AUH: variants seen among roughly 807,000 people sequenced by gnomAD.
AUH encodes the protein AU RNA binding methylglutaconyl-CoA hydratase, also known as methylglutaconyl-CoA hydratase, mitochondrial.
In AUH, 29 loss-of-function variants were observed where a neutral mutation model predicts 42.3. The ratio of observed to expected loss-of-function variants is 0.69; its 90% CI spans 0.51 to 0.93. The LOEUF (loss-of-function observed/expected upper bound fraction) is 0.93. Ranked by LOEUF, AUH falls within the 40% of genes least tolerant of loss-of-function variation. The probability of loss-of-function intolerance (pLI) is 0.00; values close to 1 mark genes in which losing one functional copy is unlikely to be tolerated. For missense variants in AUH, 452 were observed against 438.1 expected, an observed-to-expected ratio of 1.03 and a Z score of -0.28; for synonymous variants, 174 against 166.4, an observed-to-expected ratio of 1.05 and a Z score of -0.35.
At chr9:91,274,370 A>G (rs1226379167) in intron 6 of AUH, among the ~76,000 whole-genome samples, 2 of 152,228 alleles carry the variant, frequency 1.3e-5, no homozygotes, top group African/African-American at 2.4e-5. Flanking sequence ...TGACACATCA[A>G]TGACCTCATC....
chr9:91,347,541 C>T (rs374176605), intron 3 of AUH, among the ~76,000 whole-genome samples: 14 of 152,236 alleles, frequency 9.2e-5, no homozygotes, highest in East Asian at 5.8e-4. Context: ...AGCTGCCCCC[C>T]CATCCTGAAG....
chr9:91,317,829 G>A (rs923108183), intron 4 of AUH, among the ~76,000 whole-genome samples: 2 of 152,178 alleles, frequency 1.3e-5, no homozygotes, highest in Non-Finnish European at 2.9e-5. Flanking sequence ...CATTTTCCAT[G>A]AATACATGTT....
intron 3 of AUH, among the ~76,000 whole-genome samples, chr9:91,353,500 T>C (rs943188172): frequency 2.0e-5 from 3 of 152,200 alleles, no homozygotes; most frequent in African/African-American, 7.2e-5. Context: ...TTTATACTAA[T>C]ATAGGCTGTA....
At chr9:91,272,495 T>C (rs755325476) in intron 6 of AUH, among the ~76,000 whole-genome samples, 1 of 152,198 alleles carries the variant, frequency 6.6e-6, no homozygotes, top group Non-Finnish European at 1.5e-5. Context: ...TGGGCCTCCA[T>C]TCGGCCCAGC....
At position 91,235,184 on chromosome 9, in the gene AUH, A is replaced by T. The variant is rs966083023; in HGVS notation, c.656-14192T>A. Reference sequence around the variant, plus strand: ...TCTGCACTTTAAAAAGATCATTTGTAAGATTGGGGGAGAAGAGATGATAGG... The same window carrying T: ...TCTGCACTTTAAAAAGATCATTTGTTAGATTGGGGGAGAAGAGATGATAGG... On this transcript the variant is annotated intron_variant, in intron 6 of 9. Coordinates refer to ENST00000375731, the MANE Select transcript of AUH (RefSeq NM_001698.3). 2.6e-5 allele frequency among the ~76,000 whole-genome samples: 4 copies of T among 152,272 alleles called. No individual in the cohort carries two copies. In the South Asian group the frequency reaches 8.3e-4, roughly 32 times the overall value.
chr9:91,215,380 C>T (rs1282793926), intron 9 of AUH, among the ~76,000 whole-genome samples: 1 of 152,074 alleles, frequency 6.6e-6, no homozygotes, highest in African/African-American at 2.4e-5. Context: ...ATTACCTACG[C>T]ACATCCTCCT....
At chr9:91,357,008 T>C (rs923941759) in intron 1 of AUH, among the ~76,000 whole-genome samples, 7 of 152,230 alleles carry the variant, frequency 4.6e-5, no homozygotes, top group Admixed American at 2.0e-4. Context: ...AATGTACACA[T>C]GCCTTCGCTG....
At chr9:91,254,629 G>A (rs1829311181) in intron 6 of AUH, among the ~76,000 whole-genome samples, 1 of 152,152 alleles carries the variant, frequency 6.6e-6, no homozygotes. Flanking sequence ...CTAAACATAA[G>A]AGATGGGTAA....
intron 3 of AUH, among the ~76,000 whole-genome samples, chr9:91,353,231 C>T (rs1001726900): frequency 2.6e-5 from 4 of 151,962 alleles, no homozygotes; most frequent in African/African-American, 4.8e-5. Context: ...GGATTACAGG[C>T]ACCTACTACC....
intron 6 of AUH, among the ~76,000 whole-genome samples, chr9:91,284,336 G>A (rs1487370259): frequency 6.6e-6 from 1 of 152,144 alleles, no homozygotes; most frequent in Admixed American, 6.5e-5. Context: ...AGACTTAAAT[G>A]TTAGACCCAA....
At chr9:91,313,081 T>C (rs1047291160) in intron 4 of AUH, among the ~76,000 whole-genome samples, 3 of 152,078 alleles carry the variant, frequency 2.0e-5, no homozygotes, top group Non-Finnish European at 4.4e-5. Flanking sequence ...GGGGGGGTTG[T>C]TTTTTTGGCA....
intron 6 of AUH, among the ~76,000 whole-genome samples, chr9:91,258,760 A>T (rs1053272118): frequency 6.6e-6 from 1 of 152,222 alleles, no homozygotes; most frequent in Non-Finnish European, 1.5e-5. Flanking sequence ...TTTTTAAGAA[A>T]TCATGAGTCA....
intron 5 of AUH, among the ~76,000 whole-genome samples, chr9:91,297,675 C>T (rs971799650): frequency 6.6e-6 from 1 of 151,896 alleles, no homozygotes; most frequent in African/African-American, 2.4e-5. Flanking sequence ...TCACTGCAGC[C>T]TCAAACTCCC....
chr9:91,282,659 T>C (rs935089651), intron 6 of AUH, among the ~76,000 whole-genome samples: 1 of 152,092 alleles, frequency 6.6e-6, no homozygotes, highest in Admixed American at 6.6e-5. Context: ...AAATACAAAC[T>C]ACCATCAGAG....
chr9:91,298,095 T>G lies in AUH; in HGVS notation c.506-19A>C. ...AGATTAGCTGAAATGGAAAGAAAAT[T>G]TTATGCTTCCTTAATAAGATTATTA... On this transcript the variant is annotated intron_variant, in intron 4 of 9. Transcript: ENST00000375731. The G allele has an allele frequency of 6.4e-7, 1 of 1,563,204 alleles. No individual in the cohort carries two copies. The highest frequency in any genetic ancestry group is 8.8e-7 in the Non-Finnish European group (1 of 1,133,802).
At chr9:91,293,567 A>C (rs1376322861) in intron 6 of AUH, among the ~76,000 whole-genome samples, 1 of 152,198 alleles carries the variant, frequency 6.6e-6, no homozygotes, top group Non-Finnish European at 1.5e-5. Flanking sequence ...CTTTAATTCT[A>C]GAGTTAAGTC....
intron 6 of AUH, among the ~76,000 whole-genome samples, chr9:91,239,713 G>A (rs1423703686): frequency 6.6e-6 from 1 of 152,056 alleles, no homozygotes; most frequent in Non-Finnish European, 1.5e-5. Flanking sequence ...CCTATTCACT[G>A]AGGCCTGTTG....
At chr9:91,281,478 G>C (rs189358590) in intron 6 of AUH, among the ~76,000 whole-genome samples, 4 of 152,194 alleles carry the variant, frequency 2.6e-5, no homozygotes, top group African/African-American at 9.6e-5. Flanking sequence ...TGAATCCCAC[G>C]GTTTTTTATT....
At chr9:91,253,134 G>C (rs1344328690) in intron 6 of AUH, among the ~76,000 whole-genome samples, 1 of 152,140 alleles carries the variant, frequency 6.6e-6, no homozygotes, top group Non-Finnish European at 1.5e-5. Context: ...AAGTAAGCTC[G>C]TACCTAATAA....
Sources: allele counts gnomAD v4.1 joint callset (sites outside exome capture counted in the v4.1 genomes callset), GRCh38; gene constraint gnomAD v4.1.1; transcripts MANE v1.5; gene names NCBI Gene and HGNC (gene_info 2026-07-23, HGNC 2026-07-21).